AFF1: variants seen among roughly 807,000 people sequenced by gnomAD.
AFF1 encodes ALF transcription elongation factor 1, also known as AF4/FMR2 family member 1.
AFF1 carries 48 observed loss-of-function variants against 121.7 expected under a neutral mutation model. That is an observed-to-expected ratio of 0.39 (90% confidence interval 0.31 to 0.50). The LOEUF is 0.50. Among genes scored for constraint, AFF1 ranks in the 20% least tolerant of loss-of-function variants. The probability of loss-of-function intolerance (pLI) is 0.76; values close to 1 mark genes in which losing one functional copy is unlikely to be tolerated. For synonymous variants in AFF1, 613 were observed against 563.0 expected, an observed-to-expected ratio of 1.09 and a Z score of -1.26; for missense variants, 1,523 against 1,511.7, an observed-to-expected ratio of 1.01 and a Z score of -0.12.
In AFF1 at chr4:87,065,488, A is replaced by G. The variant is rs76144934; in HGVS notation, c.1059+17894A>G. 7.4e-3 allele frequency among the ~76,000 whole-genome samples: 1,039 copies of G among 141,060 alleles called. 12 individuals carry two copies. Among genetic ancestry groups the G allele is most frequent in the African/African-American group, 0.027 (985 of 36,252 alleles). 92.5% of individuals were successfully genotyped at this position (141,060 alleles called of 152,430 possible). ...CAAACAAACCTAGGGTTTCACAAAT[A>G]TTGCTTAGGATGAGGTGAGGTTAAA... is the stretch of plus-strand genomic sequence containing the variant. On this transcript the variant is annotated intron_variant, in intron 4 of 20. Transcript: ENST00000395146.
Position 87,114,757 on chromosome 4 carries a change from C to A in AFF1, c.1924C>A (p.Arg642=), listed in dbSNP as rs371689758. Residue 642 remains arginine (R), a synonymous_variant, in exon 12 of 21, where the codon CGA becomes AGA. Coordinates refer to ENST00000395146, the MANE Select transcript of AFF1 (RefSeq NM_001166693.3). ...REPGLLPYGS[R]DQTSKDKPKV... is the part of the protein sequence containing the mutation. ...GCCAGGGCTTCTTCCCTATGGCTCCCGAGACCAGACTTCCAAAGACAAGCC... is the reference window on the plus strand; with the variant it reads ...GCCAGGGCTTCTTCCCTATGGCTCCAGAGACCAGACTTCCAAAGACAAGCC... 6.2e-7 allele frequency: 1 copy of A among 1,613,458 alleles called. No homozygotes were observed. The highest frequency in any genetic ancestry group is 8.5e-7 in the Non-Finnish European group (1 of 1,179,806).
intron 2 of AFF1, among the ~76,000 whole-genome samples, chr4:86,974,968 TA>T (rs1257282007): frequency 4.6e-5 from 7 of 152,212 alleles, no homozygotes; most frequent in African/African-American, 1.7e-4. Flanking sequence ...GTCCGTGCTA[TA>T]AAGATTTTTG....
intron 2 of AFF1, among the ~76,000 whole-genome samples, chr4:86,959,291 G>A (rs1578849473): frequency 6.6e-6 from 1 of 151,820 alleles, no homozygotes; most frequent in South Asian, 2.1e-4. Context: ...GGTTACAAGA[G>A]TATATCATTT....
intron 2 of AFF1, among the ~76,000 whole-genome samples, chr4:87,036,354 T>G (rs1382296337): frequency 6.6e-6 from 1 of 152,216 alleles, no homozygotes; most frequent in Non-Finnish European, 1.5e-5. Flanking sequence ...AAGACATGTT[T>G]TATTAACCCC....
intron 16 of AFF1, among the ~76,000 whole-genome samples, chr4:87,130,850 A>G (rs1308516156): frequency 2.6e-5 from 4 of 152,370 alleles, no homozygotes; most frequent in Admixed American, 6.5e-5. Context: ...CTTTGAGAGC[A>G]TGGTCTTAAT....
intron 2 of AFF1, among the ~76,000 whole-genome samples, chr4:86,960,229 G>A (rs552885325): frequency 5.8e-4 from 89 of 152,310 alleles, no homozygotes; most frequent in African/African-American, 2.1e-3. Context: ...AGCTGCCGCT[G>A]TTACCCAGGA....
chr4:87,006,583 G>A (rs1426459370), intron 2 of AFF1, among the ~76,000 whole-genome samples: 2 of 152,208 alleles, frequency 1.3e-5, no homozygotes, highest in African/African-American at 2.4e-5. Flanking sequence ...CCCGTTTCTT[G>A]AGCTCAAGCA....
intron 12 of AFF1, among the ~76,000 whole-genome samples, chr4:87,117,236 C>T (rs115899321): frequency 0.01 from 1,585 of 152,310 alleles, 36 homozygotes; most frequent in African/African-American, 0.036. Context: ...AAGCCGTTCC[C>T]AGGTTTTGGC....
intron 8 of AFF1, among the ~76,000 whole-genome samples, chr4:87,103,146 G>A (rs1725592158): frequency 1.3e-5 from 2 of 152,034 alleles, no homozygotes; most frequent in South Asian, 2.1e-4. Flanking sequence ...AGTAGATGTT[G>A]TACATGTTTT....
At chr4:86,965,429 C>A (rs1299891814) in intron 2 of AFF1, among the ~76,000 whole-genome samples, 1 of 152,200 alleles carries the variant, frequency 6.6e-6, no homozygotes, top group African/African-American at 2.4e-5. Flanking sequence ...TTTCTACACA[C>A]ACTTGCTAAG....
intron 12 of AFF1, among the ~76,000 whole-genome samples, chr4:87,115,943 C>T (rs1429664876): frequency 6.6e-6 from 1 of 151,996 alleles, no homozygotes; most frequent in Non-Finnish European, 1.5e-5. Flanking sequence ...TTGTAACTGG[C>T]ATTTACCACC....
chr4:86,956,053 T>C (rs1335007655), intron 2 of AFF1, among the ~76,000 whole-genome samples: 1 of 152,234 alleles, frequency 6.6e-6, no homozygotes, highest in Non-Finnish European at 1.5e-5. Context: ...TAGGCCATGT[T>C]TTCCTGAAAT....
At chr4:86,973,711 TTTC>T (rs1246827664) in intron 2 of AFF1, 2 of 152,126 alleles carry the variant, frequency 1.3e-5, no homozygotes, top group African/African-American at 4.8e-5. Context: ...TAACGTTTTC[TTTC>T]TTTTCTTTTC....
intron 4 of AFF1, among the ~76,000 whole-genome samples, chr4:87,063,228 C>CTT (rs569577993): frequency 0.077 from 3,422 of 44,292 alleles, 1,040 homozygotes; most frequent in Middle Eastern, 0.17. Flanking sequence ...AGATTCACCT[C>CTT]TTTTTTTTTT....
chr4:86,950,664 T>A (rs188425955), intron 2 of AFF1, among the ~76,000 whole-genome samples: 14 of 152,180 alleles, frequency 9.2e-5, no homozygotes, highest in Admixed American at 9.2e-4. Context: ...TTTAGGAAAT[T>A]ATTCAATTCC....
chr4:87,082,859 A>G (rs1723309877), intron 4 of AFF1, among the ~76,000 whole-genome samples: 1 of 152,234 alleles, frequency 6.6e-6, no homozygotes, highest in Non-Finnish European at 1.5e-5. Context: ...CTAGATTGCA[A>G]ATTAGCAACC....
intron 2 of AFF1, among the ~76,000 whole-genome samples, chr4:87,041,763 T>C (rs755243260): frequency 2.6e-5 from 4 of 152,086 alleles, no homozygotes; most frequent in Non-Finnish European, 5.9e-5. Flanking sequence ...GCCTATAATC[T>C]CAACACTTTA....
At chr4:86,994,117 C>T (rs1180730904) in intron 2 of AFF1, among the ~76,000 whole-genome samples, 1 of 152,258 alleles carries the variant, frequency 6.6e-6, no homozygotes, top group Non-Finnish European at 1.5e-5. Flanking sequence ...AACACAGGTT[C>T]TAACTCAACT....
intron 4 of AFF1, among the ~76,000 whole-genome samples, chr4:87,048,723 G>A (rs1347131309): frequency 6.6e-6 from 1 of 152,116 alleles, no homozygotes; most frequent in Non-Finnish European, 1.5e-5. Flanking sequence ...AGGGAGGTTG[G>A]GGTGCCGTCC....
Sources: allele counts gnomAD v4.1 joint callset (sites outside exome capture counted in the v4.1 genomes callset), GRCh38; gene constraint gnomAD v4.1.1; transcripts MANE v1.5; gene names NCBI Gene and HGNC (gene_info 2026-07-23, HGNC 2026-07-21).